Variants in IFFO1 observed in about 807,000 individuals in gnomAD.
IFFO1 encodes non-homologous end joining factor IFFO1.
Under a neutral mutation model 59.6 loss-of-function variants are expected in IFFO1, and 42 were observed. The observed-to-expected ratio is 0.70, with a 90% CI of 0.55 to 0.91. IFFO1 has a LOEUF of 0.91. Ranked by LOEUF, IFFO1 falls within the 40% of genes least tolerant of loss-of-function variation. IFFO1 has a pLI of 0.00. For synonymous variants in IFFO1, 336 were observed against 342.8 expected, an observed-to-expected ratio of 0.98 and a Z score of 0.22; for missense variants, 711 against 793.2, an observed-to-expected ratio of 0.90 and a Z score of 1.24.
intron 9 of IFFO1, 91 bp from the exon 10 acceptor site, chr12:6,540,679 G>A: frequency 8.8e-7 from 1 of 1,136,020 alleles, no homozygotes; most frequent in Non-Finnish European, 1.3e-6. Flanking sequence ...CCCTCTGGCA[G>A]CCCGTGAGAA....
chr12:6,554,781 C>A (rs1306310717), intron 1 of IFFO1, among the ~76,000 whole-genome samples: 2 of 152,242 alleles, frequency 1.3e-5, no homozygotes, highest in Non-Finnish European at 2.9e-5. Context: ...CATCAATATT[C>A]TTTGGGAAAC....
intron 3 of IFFO1, 116 bp from the exon 4 acceptor site, chr12:6,550,012 G>C: frequency 1.8e-6 from 2 of 1,125,528 alleles, no homozygotes; most frequent in East Asian, 2.6e-5. Context: ...CTCTTCTGTG[G>C]AGTCTCCCTG....
chr12:6,555,892 G>C lies in IFFO1; in HGVS notation c.138C>G (p.Ala46=), dbSNP rs377142842. ...CGGGCGGCGAGTAGGCAGCAGGGCC[G>C]GCCGGCGAGAGAGGCGCCGGGGGCA... ...GDLPPAPLSP[A]GPAAYSPPGP... The change falls in exon 1 of 10, where the codon GCC becomes GCG. Residue 46 remains alanine (A), a synonymous_variant. Transcript: ENST00000619571. The surrounding 1 kb of genome is among the most constrained non-coding windows in gnomAD (Gnocchi z 8.6). 106 of 1,580,622 alleles carry C rather than the reference G, an allele frequency of 6.7e-5. No individual in the cohort carries two copies. The highest frequency in any genetic ancestry group is 8.9e-5 in the Non-Finnish European group (104 of 1,167,032).
At chr12:6,550,610 G>C (rs557202364) in intron 3 of IFFO1, 85 bp downstream of exon 3, 36 of 989,894 alleles carry the variant, frequency 3.6e-5, no homozygotes, top group Non-Finnish European at 4.9e-5. Flanking sequence ...TGGACGGGAG[G>C]CCAACAGGCC....
chr12:6,555,777 G>A lies in IFFO1; in HGVS notation c.253C>T (p.Arg85Cys). Residue 85 changes from arginine (R) to cysteine (C), a missense_variant, in exon 1 of 10, where the codon CGC becomes TGC. Around this residue, in one of 3 missense-constraint regions of IFFO1, gnomAD observed 18 missense variants for 40.5 expected, o/e 0.44. Transcript: ENST00000619571. This position sits in a 1 kb window ranked among gnomAD's most constrained non-coding sequence, Gnocchi z 8.6. ...NVLKTLNLRFRCFLAKVHELE... is the reference protein window; with the variant it reads ...NVLKTLNLRFCCFLAKVHELE... ...TCATGCACCTTGGCCAGGAAGCAGC[G>A]GAACCGGAGGTTCAGGGTCTTGAGC... 2 of 1,613,204 alleles carry A rather than the reference G, an allele frequency of 1.2e-6. No homozygotes were observed. The highest frequency in any genetic ancestry group is 1.7e-6 in the Non-Finnish European group (2 of 1,179,464).
rs1947165355 is a variant in IFFO1 at position 6,550,031 on chromosome 12, G to T, written c.931-135C>A. 6.4e-6 allele frequency: 6 copies of T among 943,870 alleles called. No individual in the cohort carries two copies. The Admixed American group carries it at 1.4e-4, about 21-fold the overall frequency. The allele number at this position is 943,870 out of a possible 1,614,324, so 58.5% of individuals were successfully genotyped here. ...TCTGTGGAGTCTCCCTGAGCTGACTGCACCCCTCTTCCTGGGTAGCGGTGG... is the reference window on the plus strand; with the variant it reads ...TCTGTGGAGTCTCCCTGAGCTGACTTCACCCCTCTTCCTGGGTAGCGGTGG... On this transcript the variant is annotated intron_variant, in intron 3 of 9. Coordinates refer to ENST00000619571, the MANE Select transcript of IFFO1 (RefSeq NM_001193457.2).
At position 6,540,509 on chromosome 12, in the gene IFFO1, C is replaced by T; in HGVS notation, c.1690G>A (p.Val564Ile). The part of the protein sequence containing the change: ...PSEAEDSDRD[V>I]SSDSSMR ...TATCTCATGGAGCTGTCAGATGAGA[C>T]ATCGCGATCGGAGTCCTCAGCCTCG... The change falls in exon 10 of 10, where the codon GTC becomes ATC. Residue 564 changes from valine to isoleucine, a missense_variant. Coordinates refer to ENST00000619571, the MANE Select transcript of IFFO1 (RefSeq NM_001193457.2). 1 of 1,614,118 alleles carries T rather than the reference C, an allele frequency of 6.2e-7. No homozygotes were observed. The highest frequency in any genetic ancestry group is 8.5e-7 in the Non-Finnish European group (1 of 1,180,012).
chr12:6,550,850 T>A, intron 2 of IFFO1, 60 bp from the exon 3 acceptor site: 1 of 1,603,468 alleles, frequency 6.2e-7, no homozygotes, highest in Non-Finnish European at 8.5e-7. Flanking sequence ...AAGATAAAGA[T>A]GCCAAGGAGG....
At chr12:6,554,094 AAAAG>A (rs1475034824) in intron 1 of IFFO1, among the ~76,000 whole-genome samples, 1 of 151,928 alleles carries the variant, frequency 6.6e-6, no homozygotes, top group Non-Finnish European at 1.5e-5. Context: ...GAAAAAAAAA[AAAAG>A]AAAGCCTGCT....
chr12:6,551,328 G>T, intron 1 of IFFO1: 1 of 926,764 alleles, frequency 1.1e-6, no homozygotes, highest in Non-Finnish European at 1.5e-6. Flanking sequence ...TCAGCCAGCT[G>T]TCCGGCTGGC....
intron 1 of IFFO1, among the ~76,000 whole-genome samples, chr12:6,553,827 C>T (rs1054667105): frequency 6.6e-6 from 1 of 152,080 alleles, no homozygotes; most frequent in East Asian, 1.9e-4. Context: ...CTTGCCATCA[C>T]TTTGCAATTA....
intron 3 of IFFO1, 93 bp downstream of exon 3, chr12:6,550,602 G>T: frequency 1.1e-6 from 1 of 878,384 alleles, no homozygotes; most frequent in Non-Finnish European, 1.8e-6. Flanking sequence ...AGGAGCCGTG[G>T]ACGGGAGGCC....
At chr12:6,540,810 G>A (rs1946675140) in intron 9 of IFFO1, among the ~76,000 whole-genome samples, 2 of 152,210 alleles carry the variant, frequency 1.3e-5, no homozygotes, top group African/African-American at 4.8e-5. Flanking sequence ...AGAGGCTGAG[G>A]TCAGGCATGA....
In IFFO1 at chr12:6,555,949, C is replaced by T. The variant is rs1314200570; in HGVS notation, c.81G>A (p.Leu27=). Residue 27 remains leucine, a synonymous_variant, in exon 1 of 10, where the codon CTG becomes CTA. Coordinates refer to ENST00000619571, the MANE Select transcript of IFFO1 (RefSeq NM_001193457.2). The surrounding 1 kb of genome is among the most constrained non-coding windows in gnomAD (Gnocchi z 8.6). ...CTCCCCCGGCGAAGTGGTCGCCTCC[C>T]AGTGAGTCCCCCAGTGGCCCGGCCA... ...QGLAGPLGDS[L]GGDHFAGGGD... is the part of the protein sequence containing the mutation. 4 of 1,557,916 alleles carry T rather than the reference C, an allele frequency of 2.6e-6. No individual in the cohort carries two copies. Among genetic ancestry groups the T allele is most frequent in the Admixed American group, 1.9e-5 (1 of 53,428 alleles).
In IFFO1 at chr12:6,548,277, AAG is replaced by A. The variant is rs1947061282; in HGVS notation, c.1384-119_1384-118del. 29 of 1,353,514 alleles carry A rather than the reference AAG, an allele frequency of 2.1e-5. No homozygotes were observed. The South Asian group carries it at 3.2e-4, about 15-fold the overall frequency. 83.8% of individuals were successfully genotyped at this position (1,353,514 alleles called of 1,614,324 possible). A position where few individuals can be genotyped will look rare whatever the true frequency, so the allele number is the denominator to read the frequency against. ...GAAGTCTGGTTAAAGAAACTGGAGAAAGAAAAGCAAAAGGATAAAGGAAGAGG... is the reference window on the plus strand; with the variant it reads ...GAAGTCTGGTTAAAGAAACTGGAGAAAAAAGCAAAAGGATAAAGGAAGAGG... On this transcript the variant is annotated intron_variant, in intron 7 of 9. Transcript: ENST00000619571. The surrounding 1 kb of genome is among the most constrained non-coding windows in gnomAD (Gnocchi z 6.1).
chr12:6,540,662 T>G, intron 9 of IFFO1, 74 bp from the exon 10 acceptor site: 1 of 1,260,330 alleles, frequency 7.9e-7, no homozygotes, highest in South Asian at 1.3e-5. Flanking sequence ...CTCCTCCTGC[T>G]GCCTCACCCT....
At position 6,541,448 on chromosome 12, in the gene IFFO1, G is replaced by A; in HGVS notation, c.1610+64C>T. ...TCATTGCCTGAGGGTCTCTGGGGCTGTGTTCCAACCTTTCTCCCCGCTGTG... is the reference window on the plus strand; with the variant it reads ...TCATTGCCTGAGGGTCTCTGGGGCTATGTTCCAACCTTTCTCCCCGCTGTG... On this transcript the variant is annotated intron_variant, in intron 9 of 9. Coordinates refer to ENST00000619571, the MANE Select transcript of IFFO1 (RefSeq NM_001193457.2). The surrounding 1 kb of genome is among the most constrained non-coding windows in gnomAD (Gnocchi z 4.8). The A allele has an allele frequency of 6.3e-7, 1 of 1,594,752 alleles. No individual in the cohort carries two copies. Among genetic ancestry groups the A allele is most frequent in the Non-Finnish European group, 8.5e-7 (1 of 1,172,012 alleles).
rs571656606 is a variant in IFFO1, at chr12:6,546,779, G to A, written c.1479+1286C>T. 1.3e-3 allele frequency among the ~76,000 whole-genome samples: 191 copies of A among 152,136 alleles called. 1 individual carries two copies. Among genetic ancestry groups the A allele is most frequent in the African/African-American group, 3.9e-3 (161 of 41,512 alleles). On this transcript the variant is annotated intron_variant, in intron 8 of 9. Coordinates refer to ENST00000619571, the MANE Select transcript of IFFO1 (RefSeq NM_001193457.2). ...GCTGGGATTACAGGCGTGAGCCACCGCGCCCGGCCTCCACAAATCCTTCTT... is the reference window on the plus strand; with the variant it reads ...GCTGGGATTACAGGCGTGAGCCACCACGCCCGGCCTCCACAAATCCTTCTT...
chr12:6,540,663 G>GC, intron 9 of IFFO1, 75 bp from the exon 10 acceptor site: 1 of 1,259,720 alleles, frequency 7.9e-7, no homozygotes, highest in Non-Finnish European at 1.1e-6. Context: ...TCCTCCTGCT[G>GC]CCTCACCCTC....
Sources: gnomAD v4.1 joint callset for allele counts (sites outside exome capture counted in the v4.1 genomes callset) on GRCh38, gnomAD v4.1.1 for gene constraint, gnomAD v4.1.1 regional missense constraint, Gnocchi (gnomAD v3.1) non-coding constraint, MANE v1.5 for transcripts, NCBI Gene and HGNC (gene_info 2026-07-23, HGNC 2026-07-21) for gene names.